The following ZNF799 variants were observed in gnomAD, a reference collection of about 807,000 sequenced individuals.
ZNF799 encodes zinc finger protein 799.
ZNF799 carries 28 observed loss-of-function variants against 41.0 expected under a neutral mutation model. The ratio of observed to expected loss-of-function variants is 0.68; its 90% confidence interval spans 0.51 to 0.94. The LOEUF (loss-of-function observed/expected upper bound fraction) is 0.94, where lower values mean the gene tolerates loss of function less well. Ranked by LOEUF, ZNF799 falls within the 40% of genes least tolerant of loss-of-function variation. The pLI, the probability that ZNF799 is intolerant of heterozygous loss-of-function variation, is 0.00. For synonymous variants in ZNF799, 213 were observed against 252.9 expected (o/e 0.84, Z 1.50); for missense variants, 716 against 764.3 (o/e 0.94, Z 0.74).
At chr19:12,394,425 T>G in intron 1 of ZNF799, 1 of 218,552 alleles carries the variant, frequency 4.6e-6, no homozygotes, top group Non-Finnish European at 7.8e-6. Flanking sequence ...AAAGAAACAC[T>G]CTGGGCATTG....
intron 1 of ZNF799, chr19:12,395,140 CTTTTT>C (rs60963007): frequency 1.5e-5 from 2 of 132,960 alleles, no homozygotes; most frequent in African/African-American, 2.8e-5. Flanking sequence ...ACAAAGCTGT[CTTTTT>C]TTTTTTTTTT....
chr19:12,405,028 A>G (rs966737550), upstream of ZNF799, among the ~76,000 whole-genome samples: 2 of 152,084 alleles, frequency 1.3e-5, no homozygotes, highest in Admixed American at 6.6e-5. Flanking sequence ...GCAGAAAAAC[A>G]TGAAAAGGAG....
At chr19:12,407,462 A>C in the ZNF799 span, among the ~76,000 whole-genome samples, 3 of 147,006 alleles carry the variant, frequency 2.0e-5, no homozygotes, top group African/African-American at 7.4e-5. Context: ...GACCCTATCT[A>C]AAAAAAAAAA....
upstream of ZNF799, among the ~76,000 whole-genome samples, chr19:12,406,127 G>A (rs1332597667): frequency 3.0e-5 from 4 of 134,494 alleles, no homozygotes; most frequent in South Asian, 2.4e-4. Flanking sequence ...CCAAGATTAC[G>A]CCACTGCACT....
intron 1 of ZNF799, among the ~76,000 whole-genome samples, chr19:12,399,883 T>C (rs1190903154): frequency 9.9e-5 from 15 of 151,176 alleles, no homozygotes; most frequent in African/African-American, 2.9e-4. Context: ...CTACTAAGAT[T>C]AAGCAATACC....
upstream of ZNF799, chr19:12,401,337 G>A (rs1969983182): frequency 3.8e-6 from 4 of 1,048,286 alleles, no homozygotes; most frequent in Non-Finnish European, 5.3e-6. Flanking sequence ...CTCGTGGACT[G>A]ATTGACAGAA....
chr19:12,411,838 C>T, the ZNF799 span, among the ~76,000 whole-genome samples: 1 of 152,110 alleles, frequency 6.6e-6, no homozygotes, highest in Non-Finnish European at 1.5e-5. Context: ...GTATCGAACT[C>T]CTGGTCTCAA....
chr19:12,391,796 A>C lies in ZNF799; in HGVS notation c.602T>G (p.Leu201Trp), dbSNP rs1568501491. Residue 201 changes from leucine (L) to tryptophan (W), a missense_variant, in exon 4 of 4, where the codon TTG becomes TGG. This residue lies in a region of ZNF799 where 698 missense variants were observed against 713.6 expected (regional missense o/e 0.98). Transcript: ENST00000430385. ...GGGCCAAAAAAACGCTTTCCCACAC[A>C]ACTTACATTTATAAGGTCCATCTCC... ...QRGDGPYKCK[L>W]CGKAFFWPSL... 6.2e-7 allele frequency: 1 copy of C among 1,614,124 alleles called. No homozygotes were observed. The highest frequency in any genetic ancestry group is 2.2e-5 in the East Asian group (1 of 44,880).
At chr19:12,400,882 G>C (rs988207806) in intron 1 of ZNF799, 186 bp downstream of exon 1, 105 of 1,053,722 alleles carry the variant, frequency 1.0e-4, no homozygotes, top group Non-Finnish European at 1.4e-4. Flanking sequence ...GAACGGGACA[G>C]GACGCCCGGG....
At chr19:12,409,160 C>T in the ZNF799 span, among the ~76,000 whole-genome samples, 57 of 152,212 alleles carry the variant, frequency 3.7e-4, no homozygotes, top group Middle Eastern at 0.017. Flanking sequence ...GAAACTGTTC[C>T]ACCTCACATC....
the ZNF799 span, among the ~76,000 whole-genome samples, chr19:12,411,118 G>T: frequency 0.049 from 7,459 of 152,200 alleles, 194 homozygotes; most frequent in South Asian, 0.13. Flanking sequence ...ACATATCTCC[G>T]CCATGTAAGA....
chr19:12,408,012 T>C, the ZNF799 span, among the ~76,000 whole-genome samples: 1 of 151,920 alleles, frequency 6.6e-6, no homozygotes, highest in Non-Finnish European at 1.5e-5. Flanking sequence ...TAAAAATATC[T>C]TGGGCATGGT....
chr19:12,405,694 G>A (rs1183102731), upstream of ZNF799, among the ~76,000 whole-genome samples: 1 of 152,128 alleles, frequency 6.6e-6, no homozygotes, highest in Non-Finnish European at 1.5e-5. Context: ...TGCAAACACA[G>A]TTTGAAAATG....
At chr19:12,393,175 C>G in intron 2 of ZNF799, 122 bp downstream of exon 2, 1 of 439,054 alleles carries the variant, frequency 2.3e-6, no homozygotes, top group Admixed American at 3.5e-5. Context: ...CCCCTAAACC[C>G]TGTTTTTTTT....
chr19:12,408,823 C>T, the ZNF799 span, among the ~76,000 whole-genome samples: 3 of 152,114 alleles, frequency 2.0e-5, no homozygotes, highest in Non-Finnish European at 2.9e-5. Flanking sequence ...CACCTGAGGT[C>T]GGGAGTTCAA....
chr19:12,396,903 C>G (rs1409081513), intron 1 of ZNF799, among the ~76,000 whole-genome samples: 1 of 151,950 alleles, frequency 6.6e-6, no homozygotes, highest in Non-Finnish European at 1.5e-5. Context: ...AAAAATGATA[C>G]AGGTTAGAAA....
At position 12,391,538 on chromosome 19, in the gene ZNF799, C is replaced by G. The variant is rs776956925; in HGVS notation, c.860G>C (p.Gly287Ala). The change falls in exon 4 of 4, where the codon GGG becomes GCG. Residue 287 changes from glycine to alanine, a missense_variant. By Grantham distance (60) the Gly-to-Ala change is moderately conservative. Transcript: ENST00000430385. ...GKKPYTCKQC[G>A]KAFSASTSLR... ...GGAAGTGGAAGCACTGAAGGCTTTC[C>G]CACATTGTTTACATGTATAGGGTTT... is the stretch of plus-strand genomic sequence containing the variant. 3 of 1,614,110 alleles carry G rather than the reference C, an allele frequency of 1.9e-6. No individual in the cohort carries two copies. Among genetic ancestry groups the G allele is most frequent in the Admixed American group, 1.7e-5 (1 of 60,002 alleles).
rs775555178 is a variant in ZNF799 at position 12,391,927 on chromosome 19, T to C, written c.471A>G (p.Gln157=). ...GKAFSYHNSL[Q]THERLHTGKK... Reference sequence around the variant, plus strand: ...TTCCAGTGTGAAGCCTCTCATGTGTTTGAAGTGAGTTGTGGTAACTGAAGG... The same window carrying C: ...TTCCAGTGTGAAGCCTCTCATGTGTCTGAAGTGAGTTGTGGTAACTGAAGG... Residue 157 remains glutamine (Q), a synonymous_variant, in exon 4 of 4, where the codon CAA becomes CAG. Coordinates refer to ENST00000430385, the MANE Select transcript of ZNF799 (RefSeq NM_001080821.3). The C allele has an allele frequency of 6.2e-7, 1 of 1,614,230 alleles. No individual in the cohort carries two copies. Among genetic ancestry groups the C allele is most frequent in the East Asian group, 2.2e-5 (1 of 44,890 alleles).
chr19:12,400,980 T>G (rs563618585), intron 1 of ZNF799, 88 bp downstream of exon 1: 1 of 1,611,744 alleles, frequency 6.2e-7, no homozygotes, highest in South Asian at 1.1e-5. Context: ...GAGTAGCCCT[T>G]GGGGAGGCCC....
Sources: allele counts gnomAD v4.1 joint callset (sites outside exome capture counted in the v4.1 genomes callset), GRCh38; gene constraint gnomAD v4.1.1; regional missense constraint gnomAD v4.1.1; transcripts MANE v1.5; gene names NCBI Gene and HGNC (gene_info 2026-07-23, HGNC 2026-07-21).